The following LRWD1 variants were observed in gnomAD, a reference collection of about 807,000 sequenced individuals.
LRWD1 encodes leucine rich repeats and WD repeat domain containing 1.
LRWD1 carries 76 observed loss-of-function variants against 75.6 expected under a neutral mutation model. The observed-to-expected ratio is 1.01, with a 90% confidence interval of 0.84 to 1.22. LRWD1 has a LOEUF of 1.22. Ranked by LOEUF, LRWD1 falls within the 50% of genes most tolerant of loss-of-function variation. LRWD1 has a pLI of 0.00. For missense variants in LRWD1, 917 were observed against 862.0 expected, an observed-to-expected ratio of 1.06 and a Z score of -0.80; for synonymous variants, 487 against 377.0, an observed-to-expected ratio of 1.29 and a Z score of -3.38.
At chr7:102,470,776 T>C (rs1202890523) in intron 11 of LRWD1, 2 of 152,246 alleles carry the variant, frequency 1.3e-5, no homozygotes, top group Non-Finnish European at 2.9e-5. Flanking sequence ...TTATTTACTT[T>C]TTATTTGAGA....
rs1341822566 is a variant in LRWD1, at chr7:102,472,490, G to A, written c.1571G>A (p.Trp524Ter). The A allele has an allele frequency of 1.9e-5, 29 of 1,544,444 alleles. No homozygotes were observed. The highest frequency in any genetic ancestry group is 2.5e-5 in the Non-Finnish European group (29 of 1,144,278). ...KGSGLGTICL[W>*]SWRQTWGGRG... ...AGCGGCCTGGGCACCATCTGCCTGT[G>A]GAGCTGGAGGCAGACGTGGGGGGGC... Residue 524 changes from tryptophan (W) to a stop codon, truncating the protein, a stop_gained, in exon 13 of 15, where the codon TGG becomes TAG. Coordinates refer to ENST00000292616, the MANE Select transcript of LRWD1 (RefSeq NM_152892.3). LOFTEE classifies it high-confidence loss of function.
In LRWD1 at chr7:102,466,176, C is replaced by T. The variant is rs1326543810; in HGVS notation, c.338C>T (p.Ser113Phe). The T allele has an allele frequency of 1.2e-6, 2 of 1,614,088 alleles. No homozygotes were observed. Among genetic ancestry groups the T allele is most frequent in the African/African-American group, 1.3e-5 (1 of 74,938 alleles). Reference protein sequence around the residue: ...FLTVNDNLKVSFLLPTLRKVN... With the variant: ...FLTVNDNLKVFFLLPTLRKVN... The stretch of plus-strand genomic sequence containing the variant: ...CAGGTCAATGACAACCTGAAAGTCT[C>T]CTTTCTCCTGCCCACGCTCCGTAAG... The change falls in exon 3 of 15, where the codon TCC (serine) becomes TTC (phenylalanine). Residue 113 changes from serine (S) to phenylalanine (F), a missense_variant. By Grantham distance (155) the Ser-to-Phe change is radical. Coordinates refer to ENST00000292616, the MANE Select transcript of LRWD1 (RefSeq NM_152892.3).
At position 102,472,994 on chromosome 7, in the gene LRWD1, C is replaced by T. The variant is rs756100065; in HGVS notation, c.1889C>T (p.Thr630Ile). The change falls in exon 15 of 15, where the codon ACC becomes ATC. Residue 630 changes from threonine to isoleucine, a missense_variant. Coordinates refer to ENST00000292616, the MANE Select transcript of LRWD1 (RefSeq NM_152892.3). ...VNTVVANASF[T>I]YLTALTDSNI... ...ACAGTGGTGGCCAATGCCTCCTTCA[C>T]CTACCTCACCGCCCTGACGGACTCC... 2 of 1,614,142 alleles carry T rather than the reference C, an allele frequency of 1.2e-6. No homozygotes were observed. Among genetic ancestry groups the T allele is most frequent in the Admixed American group, 1.7e-5 (1 of 60,010 alleles).
Position 102,472,973 on chromosome 7 carries a change from T to C in LRWD1, c.1868T>C (p.Val623Ala), listed in dbSNP as rs1446362200. 2 of 1,614,032 alleles carry C rather than the reference T, an allele frequency of 1.2e-6. No homozygotes were observed. The highest frequency in any genetic ancestry group is 1.6e-4 in the Middle Eastern group (1 of 6,062). The change falls in exon 15 of 15, where the codon GTG becomes GCG. Residue 623 changes from valine to alanine, a missense_variant. Val to Ala is a moderately conservative substitution (Grantham distance 64, BLOSUM62 0). Coordinates refer to ENST00000292616, the MANE Select transcript of LRWD1 (RefSeq NM_152892.3). ...GTGACCAAGACCATGGTGAACACAG[T>C]GGTGGCCAATGCCTCCTTCACCTAC... is the stretch of plus-strand genomic sequence containing the variant. ...QVVTKTMVNT[V>A]VANASFTYLT...
In LRWD1 at chr7:102,468,646, C is replaced by T. The variant is rs1224372270; in HGVS notation, c.1012C>T (p.Pro338Ser). Residue 338 changes from proline to serine, a missense_variant, in exon 8 of 15, where the codon CCC becomes TCC. Pro to Ser is a moderately conservative substitution (Grantham distance 74, BLOSUM62 -1). Coordinates refer to ENST00000292616, the MANE Select transcript of LRWD1 (RefSeq NM_152892.3). The part of the protein sequence containing the change: ...TGIVLHKYKA[P>S]GEEFFSVAWT... ...CATCGTGCTCCACAAGTACAAGGCA[C>T]CCGGCGAGGTGAGTGCAAGGCCCTG... The T allele has an allele frequency of 1.3e-6, 2 of 1,565,468 alleles. No individual in the cohort carries two copies. Among genetic ancestry groups the T allele is most frequent in the Non-Finnish European group, 1.7e-6 (2 of 1,155,044 alleles).
Position 102,472,912 on chromosome 7 carries a change from C to A in LRWD1, c.1807C>A (p.Leu603Met), listed in dbSNP as rs144678334. 2.5e-6 allele frequency: 4 copies of A among 1,613,770 alleles called. No homozygotes were observed. In the South Asian group the frequency reaches 3.3e-5, roughly 13 times the overall value. ...PAALQAPTQI[L>M]KWPQPWALGQ... ...CCCTCCCCTCTCTCCCCACCAGATC[C>A]TGAAGTGGCCCCAGCCCTGGGCCCT... Residue 603 changes from leucine to methionine, a missense_variant, in exon 15 of 15, where the codon CTG (leucine) becomes ATG (methionine). By Grantham distance (15) the Leu-to-Met change is conservative. Transcript: ENST00000292616.
rs750262596 is a variant in LRWD1 at position 102,466,023 on chromosome 7, T to G, written c.287T>G (p.Leu96Arg). Residue 96 changes from leucine to arginine, a missense_variant, in exon 2 of 15, where the codon CTC becomes CGC. Physicochemically the swap from Leu to Arg is moderately radical, Grantham distance 102 (BLOSUM62 -2). Coordinates refer to ENST00000292616, the MANE Select transcript of LRWD1 (RefSeq NM_152892.3). ...ALCQFPKLEE[L>R]SLEGNPFLTV... ...TGCCAGTTCCCCAAGCTCGAGGAAC[T>G]CAGCCTGGAGGGCAACCCCTTCCTG... 1.9e-6 allele frequency: 3 copies of G among 1,614,044 alleles called. No homozygotes were observed. Among genetic ancestry groups the G allele is most frequent in the Non-Finnish European group, 2.5e-6 (3 of 1,180,008 alleles).
rs371342787 is a variant in LRWD1, at chr7:102,465,924, C to T, written c.188C>T (p.Pro63Leu). The T allele has an allele frequency of 6.8e-6, 11 of 1,613,628 alleles. No individual in the cohort carries two copies. The highest frequency in any genetic ancestry group is 1.3e-5 in the African/African-American group (1 of 74,916). The change falls in exon 2 of 15, where the codon CCG becomes CTG. Residue 63 changes from proline to leucine, a missense_variant. Pro to Leu is a moderately conservative substitution (Grantham distance 98). Coordinates refer to ENST00000292616, the MANE Select transcript of LRWD1 (RefSeq NM_152892.3). ...TCTAACAACCACCTGGAGACGCTGC[C>T]GGACAACCTGGGCCTGTCCCACCTG... ...DLSNNHLETL[P>L]DNLGLSHLRV...
At chr7:102,472,651 G>A (rs1798241089) in intron 13 of LRWD1, 41 bp from the exon 14 acceptor site, 1 of 1,611,334 alleles carries the variant, frequency 6.2e-7, no homozygotes, top group South Asian at 1.1e-5. Context: ...CGGGCTTCCG[G>A]GAGCTCTGCC....
At chr7:102,467,186 G>A (rs776237657) in intron 3 of LRWD1, among the ~76,000 whole-genome samples, 153 bp from the exon 4 acceptor site, 2,141 of 145,222 alleles carry the variant, frequency 0.015, 73 homozygotes, top group African/African-American at 0.028. Flanking sequence ...GTGTGTGTGT[G>A]TGTGTGTGTG....
At chr7:102,465,786 C>T in intron 1 of LRWD1, 31 bp from the exon 2 acceptor site, 1 of 1,554,150 alleles carries the variant, frequency 6.4e-7, no homozygotes, top group Non-Finnish European at 8.9e-7. Context: ...AAAGCCTGCC[C>T]GCCCCCTAAG....
rs189236248 is a variant in LRWD1 at position 102,472,345 on chromosome 7, C to T, written c.1534+36C>T. 1.8e-3 allele frequency: 2,773 copies of T among 1,554,574 alleles called. 2 individuals are homozygous for T. The highest frequency in any genetic ancestry group is 2.6e-3 in the Admixed American group (135 of 51,364). Reference sequence around the variant, plus strand: ...TCAGCTTGTGGGACAGCCTGGCCTCCGGGCACACAGATGGACCGCTTGTCC... The same window carrying T: ...TCAGCTTGTGGGACAGCCTGGCCTCTGGGCACACAGATGGACCGCTTGTCC... On this transcript the variant is annotated intron_variant, in intron 12 of 14. Coordinates refer to ENST00000292616, the MANE Select transcript of LRWD1 (RefSeq NM_152892.3).
At chr7:102,472,092 G>GT in intron 11 of LRWD1, 126 bp from the exon 12 acceptor site, 1 of 837,712 alleles carries the variant, frequency 1.2e-6, no homozygotes, top group Non-Finnish European at 2.0e-6. Flanking sequence ...TATCTCTTTG[G>GT]TGGCATCTTC....
chr7:102,467,171 G>GTGTGTGTGTATGTGTGT lies in LRWD1; in HGVS notation c.433-168_433-167insTGTGTGTGTATGTGTGT, dbSNP rs1554579596. Among the ~76,000 whole-genome samples the GTGTGTGTGTATGTGTGT allele has an allele frequency of 4.4e-3, 439 of 99,134 alleles. 13 individuals are homozygous for GTGTGTGTGTATGTGTGT. Among genetic ancestry groups the GTGTGTGTGTATGTGTGT allele is most frequent in the East Asian group, 8.8e-3 (27 of 3,082 alleles). 65.0% of individuals were successfully genotyped at this position (99,134 alleles called of 152,430 possible). On this transcript the variant is annotated intron_variant, in intron 3 of 14. Coordinates refer to ENST00000292616, the MANE Select transcript of LRWD1 (RefSeq NM_152892.3). Reference sequence around the variant, plus strand: ...TGGGTTGTTGCTGGGGTGTGTGTGGGGTGTGTGTGTGTGTGTGTGTGTGTG... The same window carrying GTGTGTGTGTATGTGTGT: ...TGGGTTGTTGCTGGGGTGTGTGTGGGTGTGTGTGTATGTGTGTGTGTGTGTGTGTGTGTGTGTGTGTG...
chr7:102,466,469 C>T (rs905627231), intron 3 of LRWD1, among the ~76,000 whole-genome samples, 199 bp downstream of exon 3: 1 of 152,182 alleles, frequency 6.6e-6, no homozygotes, highest in Non-Finnish European at 1.5e-5. Flanking sequence ...GGCTGGAGTG[C>T]AGTGATGCGA....
intron 3 of LRWD1, 43 bp downstream of exon 3, chr7:102,466,313 G>T (rs1347819244): frequency 6.7e-7 from 1 of 1,488,204 alleles, no homozygotes; most frequent in Non-Finnish European, 9.4e-7. Flanking sequence ...GAGCTGTGGG[G>T]GCATTGGGAG....
chr7:102,466,540 G>A (rs1447248143), intron 3 of LRWD1, among the ~76,000 whole-genome samples: 5 of 151,956 alleles, frequency 3.3e-5, no homozygotes, highest in Admixed American at 2.6e-4. Flanking sequence ...TCAGCCTCCC[G>A]AGTAACTAGG....
In LRWD1 at chr7:102,468,537, CA is replaced by C; in HGVS notation, c.920-13del. 6.4e-7 allele frequency: 1 copy of C among 1,558,212 alleles called. No individual in the cohort carries two copies. The highest frequency in any genetic ancestry group is 8.7e-7 in the Non-Finnish European group (1 of 1,150,794). On this transcript the variant is annotated splice_polypyrimidine_tract_variant and intron_variant, in intron 7 of 14. Coordinates refer to ENST00000292616, the MANE Select transcript of LRWD1 (RefSeq NM_152892.3). Reference sequence around the variant, plus strand: ...AAATGTCTCTGCTCATCCGACCTCTCAAAACCGGGCACTCAGGGGCCACATC... The same window carrying C: ...AAATGTCTCTGCTCATCCGACCTCTCAAACCGGGCACTCAGGGGCCACATC...
rs1438949066 is a variant in LRWD1, at chr7:102,465,488, GCTTTTTTTTTTTTTTT to G, written c.81-328_81-313del. ...GCCCCCGAGTCCTAAAGTAGTTGCA[GCTTTTTTTTTTTTTTT>G]TTTTTTTTTTTTTTTTTTTTTGTTA... On this transcript the variant is annotated intron_variant, in intron 1 of 14. Coordinates refer to ENST00000292616, the MANE Select transcript of LRWD1 (RefSeq NM_152892.3). 63 of 108,020 alleles carry G rather than the reference GCTTTTTTTTTTTTTTT, an allele frequency of 5.8e-4. 9 individuals carry two copies. Among genetic ancestry groups the G allele is most frequent in the East Asian group, 2.2e-3 (6 of 2,784 alleles). The allele number at this position is 108,020 out of a possible 1,614,324, so 6.7% of individuals were successfully genotyped here.
Sources: gnomAD v4.1 joint callset for allele counts (sites outside exome capture counted in the v4.1 genomes callset) on GRCh38, gnomAD v4.1.1 for gene constraint, MANE v1.5 for transcripts, NCBI Gene and HGNC (gene_info 2026-07-23, HGNC 2026-07-21) for gene names.